Variants in DCBLD2 observed in about 807,000 individuals in gnomAD.
DCBLD2 encodes the protein discoidin, CUB and LCCL domain-containing protein 2.
DCBLD2 carries 54 observed loss-of-function variants against 86.8 expected under a neutral mutation model. The ratio of observed to expected loss-of-function variants is 0.62; its 90% CI spans 0.50 to 0.78. The LOEUF is 0.78. Among genes scored for constraint, DCBLD2 ranks in the 30% least tolerant of loss-of-function variants. The pLI is 0.00. For missense variants in DCBLD2, 908 were observed against 954.2 expected, an observed-to-expected ratio of 0.95 and a Z score of 0.64; for synonymous variants, 354 against 341.3, an observed-to-expected ratio of 1.04 and a Z score of -0.41.
At chr3:98,822,539 A>T in intron 5 of DCBLD2, 130 bp downstream of exon 5, 1 of 1,231,940 alleles carries the variant, frequency 8.1e-7, no homozygotes, top group Non-Finnish European at 1.1e-6. Flanking sequence ...AGAATAAAAC[A>T]CATATGATTA....
intron 1 of DCBLD2, chr3:98,900,769 G>T: frequency 3.1e-6 from 1 of 326,918 alleles, no homozygotes; most frequent in South Asian, 3.0e-5. Context: ...TTCCTACAGT[G>T]TCCATCCATC....
chr3:98,876,151 T>C (rs1331037594), intron 2 of DCBLD2, among the ~76,000 whole-genome samples: 2 of 151,964 alleles, frequency 1.3e-5, no homozygotes, highest in East Asian at 3.9e-4. Flanking sequence ...ATTTGTAGCA[T>C]ATACCACTAT....
chr3:98,899,645 A>C (rs995348665), intron 1 of DCBLD2, among the ~76,000 whole-genome samples: 1 of 152,142 alleles, frequency 6.6e-6, no homozygotes, highest in South Asian at 2.1e-4. Flanking sequence ...ATAACATGAT[A>C]CAAACACTAT....
intron 1 of DCBLD2, among the ~76,000 whole-genome samples, chr3:98,892,667 G>C (rs557538399): frequency 6.6e-6 from 1 of 152,168 alleles, no homozygotes; most frequent in Admixed American, 6.5e-5. Flanking sequence ...CTGCATTCCT[G>C]CCTTCCCCTC....
At chr3:98,809,454 C>T (rs967271242) in intron 12 of DCBLD2, among the ~76,000 whole-genome samples, 8 of 151,676 alleles carry the variant, frequency 5.3e-5, no homozygotes, top group Admixed American at 4.6e-4. Flanking sequence ...GGAACCAGGG[C>T]ACAGGTGATA....
At chr3:98,838,873 C>G (rs942080521) in intron 3 of DCBLD2, among the ~76,000 whole-genome samples, 3 of 152,010 alleles carry the variant, frequency 2.0e-5, no homozygotes, top group Non-Finnish European at 4.4e-5. Context: ...AGCGAAACCC[C>G]GTCTCCACCA....
intron 15 of DCBLD2, among the ~76,000 whole-genome samples, chr3:98,800,258 G>A (rs1941693261): frequency 6.6e-6 from 1 of 151,912 alleles, no homozygotes; most frequent in Admixed American, 6.6e-5. Flanking sequence ...TATGTACTAG[G>A]CTAAGAGGAT....
In DCBLD2 at chr3:98,901,262, G is replaced by A; in HGVS notation, c.65C>T (p.Ala22Val). The change falls in exon 1 of 16, where the codon GCC becomes GTC. Residue 22 changes from alanine to valine, a missense_variant. By Grantham distance (64) the Ala-to-Val change is moderately conservative (BLOSUM62 0). This residue lies in a region of DCBLD2 where 294 missense variants were observed against 256.0 expected (regional missense o/e 1.15). Coordinates refer to ENST00000326840, the MANE Select transcript of DCBLD2 (RefSeq NM_080927.4). ...GAGCGCGGCCCAGGCGGGGGCGGCG[G>A]CCGCGGCCCGGACTTGGGGACACTG... is the stretch of plus-strand genomic sequence containing the variant. ...CPQCPQVRAA[A>V]AAPAWAALPL... is the part of the protein sequence containing the mutation. 1.3e-6 allele frequency: 2 copies of A among 1,530,910 alleles called. No individual in the cohort carries two copies. Among genetic ancestry groups the A allele is most frequent in the Non-Finnish European group, 1.7e-6 (2 of 1,144,188 alleles). 94.8% of individuals were successfully genotyped at this position (1,530,910 alleles called of 1,614,324 possible).
intron 1 of DCBLD2, among the ~76,000 whole-genome samples, chr3:98,891,636 T>A (rs141406127): frequency 8.5e-4 from 129 of 152,226 alleles, no homozygotes; most frequent in African/African-American, 2.8e-3. Context: ...ACAAAGGCTA[T>A]CATAATCTGG....
Position 98,812,360 on chromosome 3 carries a change from C to G in DCBLD2, c.1335G>C (p.Glu445Asp). 2 of 1,613,466 alleles carry G rather than the reference C, an allele frequency of 1.2e-6. No homozygotes were observed. The highest frequency in any genetic ancestry group is 1.7e-6 in the Non-Finnish European group (2 of 1,179,618). ...QWQQKIAMKMELLGCQFIPKG... is the reference protein window; with the variant it reads ...QWQQKIAMKMDLLGCQFIPKG... Reference sequence around the variant, plus strand: ...TAGGAATAAACTGACATCCGAGCAGCTCCATTTTCATGGCAATTTTCTGCT... The same window carrying G: ...TAGGAATAAACTGACATCCGAGCAGGTCCATTTTCATGGCAATTTTCTGCT... The change falls in exon 10 of 16, where the codon GAG becomes GAC. Residue 445 changes from glutamate (E) to aspartate (D), a missense_variant. By Grantham distance (45) the Glu-to-Asp change is conservative (BLOSUM62 2). Transcript: ENST00000326840.
chr3:98,832,952 C>A (rs1413684397), intron 3 of DCBLD2, among the ~76,000 whole-genome samples: 7 of 151,964 alleles, frequency 4.6e-5, no homozygotes, highest in Non-Finnish European at 8.8e-5. Flanking sequence ...CTCTGTATTT[C>A]CTGAATTTTG....
At chr3:98,806,175 G>A (rs1164094059) in intron 13 of DCBLD2, among the ~76,000 whole-genome samples, 1 of 152,116 alleles carries the variant, frequency 6.6e-6, no homozygotes, top group Non-Finnish European at 1.5e-5. Flanking sequence ...TGGGCATGTG[G>A]TGGTAACTGC....
At chr3:98,890,327 A>C (rs1476471516) in intron 1 of DCBLD2, 2 of 152,132 alleles carry the variant, frequency 1.3e-5, no homozygotes, top group African/African-American at 4.8e-5. Flanking sequence ...GGAGTGATAT[A>C]TTAAAAGCCA....
intron 3 of DCBLD2, among the ~76,000 whole-genome samples, chr3:98,839,151 C>CTTTCTTTCTTTCTT (rs1559781471): frequency 5.1e-4 from 24 of 47,510 alleles, no homozygotes; most frequent in African/African-American, 1.6e-3. Flanking sequence ...TTCCTTCTTT[C>CTTTCTTTCTTTCTT]TTTCTTTCTT....
chr3:98,808,012 A>G, intron 13 of DCBLD2, 69 bp downstream of exon 13: 1 of 1,186,610 alleles, frequency 8.4e-7, no homozygotes, highest in South Asian at 2.1e-5. Context: ...AAACATTTTC[A>G]TCTTCTATAT....
At chr3:98,882,157 G>T (rs960003224) in intron 1 of DCBLD2, among the ~76,000 whole-genome samples, 1 of 152,112 alleles carries the variant, frequency 6.6e-6, no homozygotes, top group Non-Finnish European at 1.5e-5. Flanking sequence ...TTCACAGGAG[G>T]CAAGAGAAGA....
chr3:98,840,759 T>C lies in DCBLD2; in HGVS notation c.571+8702A>G, dbSNP rs140546957. Among the ~76,000 whole-genome samples the C allele has an allele frequency of 3.8e-4, 58 of 152,334 alleles. No individual in the cohort carries two copies. The East Asian group carries it at 9.4e-3, about 25-fold the overall frequency. On this transcript the variant is annotated intron_variant, in intron 3 of 15. Transcript: ENST00000326840. The stretch of plus-strand genomic sequence containing the variant: ...CTCCCACGTCAACCTCCCAAACTGT[T>C]GAGAAGACATATGTGAGCCCCCATG...
chr3:98,836,655 T>G (rs1476639755), intron 3 of DCBLD2, among the ~76,000 whole-genome samples: 1 of 124,956 alleles, frequency 8.0e-6, no homozygotes, highest in Non-Finnish European at 1.8e-5. Context: ...GGCTCCTCAC[T>G]TCCCAGTAGG....
Position 98,797,758 on chromosome 3 carries a change from T to C in DCBLD2, c.*1614A>G, listed in dbSNP as rs1423980359. 4 of 152,230 alleles carry C rather than the reference T, an allele frequency of 2.6e-5. No individual in the cohort carries two copies. The highest frequency in any genetic ancestry group is 1.9e-4 in the East Asian group (1 of 5,198). 9.4% of individuals were successfully genotyped at this position (152,230 alleles called of 1,614,324 possible). On this transcript the variant is annotated 3_prime_UTR_variant, in exon 16 of 16. Coordinates refer to ENST00000326840, the MANE Select transcript of DCBLD2 (RefSeq NM_080927.4). The stretch of plus-strand genomic sequence containing the variant: ...GAAGCGATGTTTTAGAATACTGATA[T>C]AATTCATGGAAACAAGAAAACAAAT...
Sources: allele counts gnomAD v4.1 joint callset (sites outside exome capture counted in the v4.1 genomes callset), GRCh38; gene constraint gnomAD v4.1.1; regional missense constraint gnomAD v4.1.1; transcripts MANE v1.5; gene names NCBI Gene and HGNC (gene_info 2026-07-23, HGNC 2026-07-21).